TRPM3: variants seen among roughly 807,000 people sequenced by gnomAD.
TRPM3 encodes transient receptor potential cation channel subfamily M member 3, also known as long transient receptor potential channel 3.
A neutral mutation model predicts 181.2 loss-of-function variants in TRPM3; 77 were observed. The observed-to-expected ratio is 0.42, with a 90% CI of 0.35 to 0.51. TRPM3 has a LOEUF of 0.51. Ranked by LOEUF, TRPM3 falls within the 20% of genes least tolerant of loss-of-function variation. TRPM3 has a pLI of 0.01. For missense variants in TRPM3, 1,759 were observed against 2,196.7 expected, an observed-to-expected ratio of 0.80 and a Z score of 3.98; for synonymous variants, 745 against 796.4, an observed-to-expected ratio of 0.94 and a Z score of 1.09.
chr9:70,659,743 G>A (rs1321516523), intron 9 of TRPM3, among the ~76,000 whole-genome samples: 3 of 152,124 alleles, frequency 2.0e-5, no homozygotes, highest in African/African-American at 7.2e-5. Context: ...TCAAAATAAT[G>A]TTAATATTTT....
rs2080455398 is a variant in TRPM3, at chr9:70,772,317, A to G, written c.1149-10593T>C. Among the ~76,000 whole-genome samples the G allele has an allele frequency of 7.7e-5, 6 of 77,488 alleles. No individual in the cohort carries two copies. The South Asian group carries it at 4.1e-3, about 53-fold the overall frequency. The allele number at this position is 77,488 out of a possible 152,430, so 50.8% of individuals were successfully genotyped here. A position where few individuals can be genotyped will look rare whatever the true frequency, so the allele number is the denominator to read the frequency against. On this transcript the variant is annotated intron_variant, in intron 7 of 25. Coordinates refer to ENST00000677713, the MANE Select transcript of TRPM3 (RefSeq NM_001366145.2). ...ATATGGAAGATCTCTGTCATCACAGAGAGTATTTTTTTTTTTTTGAAGCAG... is the reference window on the plus strand; with the variant it reads ...ATATGGAAGATCTCTGTCATCACAGGGAGTATTTTTTTTTTTTTGAAGCAG...
intron 8 of TRPM3, among the ~76,000 whole-genome samples, chr9:70,759,199 G>A (rs978180245): frequency 3.3e-5 from 5 of 152,094 alleles, no homozygotes; most frequent in Non-Finnish European, 5.9e-5. Flanking sequence ...CTCAAAAGAA[G>A]ACACTTAACG....
chr9:70,958,124 A>G (rs1453364907), intron 1 of TRPM3, among the ~76,000 whole-genome samples: 1 of 152,110 alleles, frequency 6.6e-6, no homozygotes, highest in East Asian at 1.9e-4. Flanking sequence ...CTCCCTGATA[A>G]TGGCTGTGGC....
chr9:71,426,395 T>C (rs2093864222), intron 1 of TRPM3, among the ~76,000 whole-genome samples: 2 of 151,938 alleles, frequency 1.3e-5, no homozygotes, highest in African/African-American at 4.8e-5. Flanking sequence ...TCTCAATAAA[T>C]TTTCAAGATA....
At chr9:70,546,613 C>T (rs2044978415) in intron 25 of TRPM3, among the ~76,000 whole-genome samples, 1 of 141,450 alleles carries the variant, frequency 7.1e-6, no homozygotes, top group Admixed American at 7.5e-5. Context: ...GTGAGCACAA[C>T]ATTTGATAGA....
intron 1 of TRPM3, among the ~76,000 whole-genome samples, chr9:71,146,261 C>T (rs1424189428): frequency 1.3e-5 from 2 of 152,076 alleles, no homozygotes; most frequent in Non-Finnish European, 2.9e-5. Context: ...ATGGAGCTTT[C>T]GAATCACCGT....
intron 22 of TRPM3, among the ~76,000 whole-genome samples, chr9:70,576,102 T>C (rs540441228): frequency 3.9e-5 from 6 of 152,330 alleles, no homozygotes; most frequent in African/African-American, 1.4e-4. Context: ...GACATACTTG[T>C]AGAGACAGGT....
intron 1 of TRPM3, among the ~76,000 whole-genome samples, chr9:71,372,051 C>T (rs2092532754): frequency 6.6e-6 from 1 of 152,152 alleles, no homozygotes; most frequent in Admixed American, 6.5e-5. Flanking sequence ...TCAATCAGCT[C>T]CCACTGATAT....
At chr9:70,787,763 CTTTTTTT>C in intron 6 of TRPM3, among the ~76,000 whole-genome samples, 18 of 68,556 alleles carry the variant, frequency 2.6e-4, no homozygotes, top group Middle Eastern at 0.012. Context: ...TTTTTGGATT[CTTTTTTT>C]TTTTTTTTTT....
chr9:71,280,286 T>C (rs1242191725), intron 1 of TRPM3, among the ~76,000 whole-genome samples: 2 of 152,178 alleles, frequency 1.3e-5, no homozygotes, highest in East Asian at 3.9e-4. Flanking sequence ...CTGCCTATTT[T>C]TGTAGGCAAA....
chr9:71,380,146 C>T (rs1184143752), intron 1 of TRPM3, among the ~76,000 whole-genome samples: 1 of 151,932 alleles, frequency 6.6e-6, no homozygotes, highest in African/African-American at 2.4e-5. Flanking sequence ...CTTCATTTTT[C>T]CTCAATGTGC....
At chr9:70,869,199 G>A (rs2095731127) in intron 1 of TRPM3, 2 of 260,366 alleles carry the variant, frequency 7.7e-6, no homozygotes, top group Non-Finnish European at 1.2e-5. Context: ...GCTGCTTCGG[G>A]ATTAGCCTCA....
intron 8 of TRPM3, among the ~76,000 whole-genome samples, chr9:70,684,550 G>C (rs1330155928): frequency 6.6e-6 from 1 of 151,920 alleles, no homozygotes. Context: ...TTTGAAATTT[G>C]AATGTTTAAA....
At chr9:71,026,498 T>A (rs62543238) in intron 1 of TRPM3, among the ~76,000 whole-genome samples, 3 of 152,110 alleles carry the variant, frequency 2.0e-5, no homozygotes, top group African/African-American at 7.2e-5. Context: ...ACCACCCACA[T>A]TGTTTTCCTG....
intron 1 of TRPM3, among the ~76,000 whole-genome samples, chr9:70,947,651 G>A (rs1041522831): frequency 2.6e-5 from 4 of 152,232 alleles, no homozygotes; most frequent in Admixed American, 2.6e-4. Context: ...GAAGGTGGGG[G>A]GATGGAGAGA....
chr9:71,268,060 T>G (rs1456507069), intron 1 of TRPM3, among the ~76,000 whole-genome samples: 2 of 152,224 alleles, frequency 1.3e-5, no homozygotes. Context: ...ATATTTTACA[T>G]TGATTAAAAT....
chr9:71,423,495 C>G (rs1233866938), intron 1 of TRPM3, among the ~76,000 whole-genome samples: 1 of 152,062 alleles, frequency 6.6e-6, no homozygotes, highest in African/African-American at 2.4e-5. Flanking sequence ...CCATTCTCTA[C>G]AATACAGTCT....
chr9:71,364,194 C>A (rs1002996380), intron 1 of TRPM3, among the ~76,000 whole-genome samples: 1 of 150,678 alleles, frequency 6.6e-6, no homozygotes, highest in Non-Finnish European at 1.5e-5. Context: ...AAGAACTGGG[C>A]TCTCTCCTTT....
intron 1 of TRPM3, among the ~76,000 whole-genome samples, chr9:71,195,760 T>C (rs2131690440): frequency 6.6e-6 from 1 of 152,176 alleles, no homozygotes; most frequent in East Asian, 1.9e-4. Flanking sequence ...ATACACACCA[T>C]GGAATACTAT....
Sources: gnomAD v4.1 joint callset for allele counts (sites outside exome capture counted in the v4.1 genomes callset) on GRCh38, gnomAD v4.1.1 for gene constraint, MANE v1.5 for transcripts, NCBI Gene and HGNC (gene_info 2026-07-23, HGNC 2026-07-21) for gene names.